The following RETREG1 variants were observed in gnomAD, a reference collection of about 807,000 sequenced individuals.
The protein encoded by RETREG1 is family with sequence similarity 134 member B.
In RETREG1, 44 loss-of-function variants were observed where a neutral mutation model predicts 54.8. That is an observed-to-expected ratio of 0.80 (90% CI 0.63 to 1.03). RETREG1 has a LOEUF of 1.03. Among genes scored for constraint, RETREG1 ranks in the 50% least tolerant of loss-of-function variants. The pLI is 0.00. For missense variants in RETREG1, 554 were observed against 605.1 expected (o/e 0.92, Z 0.89); for synonymous variants, 217 against 238.5 (o/e 0.91, Z 0.83).
chr5:16,581,624 G>T, intron 1 of RETREG1, among the ~76,000 whole-genome samples: 1 of 151,756 alleles, frequency 6.6e-6, no homozygotes, highest in African/African-American at 2.4e-5. Flanking sequence ...AGGCACTTGT[G>T]ACCACATCAA....
intron 1 of RETREG1, among the ~76,000 whole-genome samples, chr5:16,610,845 TG>T: frequency 6.6e-6 from 1 of 152,270 alleles, no homozygotes; most frequent in African/African-American, 2.4e-5. Flanking sequence ...GAAGTCAGTG[TG>T]GCGATTCCTC....
At chr5:16,535,514 C>G (rs1741038135) in intron 3 of RETREG1, among the ~76,000 whole-genome samples, 2 of 151,726 alleles carry the variant, frequency 1.3e-5, no homozygotes. Context: ...AGAGTGGGAG[C>G]TGGAATTCCT....
rs528617167 is a variant in RETREG1 at position 16,610,641 on chromosome 5, A to G, written c.320+6011T>C. On this transcript the variant is annotated intron_variant, in intron 1 of 8. Coordinates refer to ENST00000306320, the MANE Select transcript of RETREG1 (RefSeq NM_001034850.3). Reference sequence around the variant, plus strand: ...TCAAAAGAAGACATTTATGCAGCCAAAAGACACATGGAAAAAATGCTCATC... The same window carrying G: ...TCAAAAGAAGACATTTATGCAGCCAGAAGACACATGGAAAAAATGCTCATC... Among the ~76,000 whole-genome samples the G allele has an allele frequency of 3.5e-4, 54 of 152,376 alleles. 1 individual carries two copies. The South Asian group carries it at 0.011, about 31-fold the overall frequency.
chr5:16,510,163 T>C (rs957176551), intron 3 of RETREG1, among the ~76,000 whole-genome samples: 1 of 152,218 alleles, frequency 6.6e-6, no homozygotes, highest in African/African-American at 2.4e-5. Flanking sequence ...TCAAAACAAA[T>C]AATATCTGCT....
At chr5:16,541,797 G>T (rs1741261514) in intron 3 of RETREG1, among the ~76,000 whole-genome samples, 1 of 115,772 alleles carries the variant, frequency 8.6e-6, no homozygotes, top group Non-Finnish European at 1.9e-5. Context: ...AGGAAGGAAG[G>T]AAAGGAAGGA....
intron 3 of RETREG1, among the ~76,000 whole-genome samples, chr5:16,562,176 G>A (rs376649671): frequency 2.6e-5 from 4 of 152,232 alleles, no homozygotes; most frequent in East Asian, 1.9e-4. Flanking sequence ...TTAGCCAGGC[G>A]TGGTGGCACA....
intron 3 of RETREG1, among the ~76,000 whole-genome samples, chr5:16,541,564 G>T (rs1741244446): frequency 6.6e-6 from 1 of 152,120 alleles, no homozygotes; most frequent in African/African-American, 2.4e-5. Context: ...GCAGGCACCT[G>T]TAACCCCAGC....
intron 3 of RETREG1, among the ~76,000 whole-genome samples, chr5:16,520,915 G>A (rs982468366): frequency 1.3e-5 from 2 of 152,082 alleles, no homozygotes; most frequent in African/African-American, 4.8e-5. Flanking sequence ...CTGGAAACAC[G>A]GAGAGGGACA....
rs534938738 is a variant in RETREG1, at chr5:16,595,604, G to A, written c.320+21048C>T. 2.8e-4 allele frequency among the ~76,000 whole-genome samples: 42 copies of A among 152,260 alleles called. No homozygotes were observed. In the South Asian group the frequency reaches 6.0e-3, roughly 22 times the overall value. Reference sequence around the variant, plus strand: ...AAGTTTTCTGGAAGGAGTTACTCTCGTCATTAAGAAGGCTACACTACCATT... The same window carrying A: ...AAGTTTTCTGGAAGGAGTTACTCTCATCATTAAGAAGGCTACACTACCATT... On this transcript the variant is annotated intron_variant, in intron 1 of 8. Transcript: ENST00000306320.
chr5:16,505,118 T>G (rs977039040), intron 3 of RETREG1, among the ~76,000 whole-genome samples: 1 of 152,174 alleles, frequency 6.6e-6, no homozygotes, highest in African/African-American at 2.4e-5. Flanking sequence ...GGAACACAAA[T>G]GTACGGCAGC....
intron 1 of RETREG1, among the ~76,000 whole-genome samples, chr5:16,575,497 T>C (rs1172404737): frequency 6.6e-6 from 1 of 152,240 alleles, no homozygotes; most frequent in Admixed American, 6.5e-5. Flanking sequence ...ACAAAGGCCA[T>C]TAGTTATTCT....
chr5:16,603,854 A>C (rs1579724083), intron 1 of RETREG1, among the ~76,000 whole-genome samples: 2 of 133,720 alleles, frequency 1.5e-5, no homozygotes, highest in Non-Finnish European at 1.6e-5. Context: ...AGGGCCACCC[A>C]CCCCCCACCC....
At chr5:16,607,873 G>C (rs1296839848) in intron 1 of RETREG1, among the ~76,000 whole-genome samples, 1 of 147,398 alleles carries the variant, frequency 6.8e-6, no homozygotes, top group Admixed American at 6.8e-5. Context: ...CACTCTCACT[G>C]TTTTTATTTT....
intron 8 of RETREG1, among the ~76,000 whole-genome samples, chr5:16,477,403 T>C (rs1044041093): frequency 3.9e-5 from 6 of 152,172 alleles, no homozygotes; most frequent in African/African-American, 1.4e-4. Context: ...TTAATTTCCC[T>C]TTATATGGAC....
chr5:16,584,864 A>G (rs1742584082), intron 1 of RETREG1, among the ~76,000 whole-genome samples: 1 of 152,240 alleles, frequency 6.6e-6, no homozygotes, highest in East Asian at 1.9e-4. Context: ...TTTCTTAAAC[A>G]TGAATATATA....
chr5:16,552,912 G>A (rs1415308792), intron 3 of RETREG1, among the ~76,000 whole-genome samples: 2 of 152,130 alleles, frequency 1.3e-5, no homozygotes, highest in African/African-American at 2.4e-5. Flanking sequence ...ATGTCCCATC[G>A]CTCACACCCC....
chr5:16,499,921 CACTGACACA>C (rs1561090590), intron 3 of RETREG1, among the ~76,000 whole-genome samples: 1 of 152,212 alleles, frequency 6.6e-6, no homozygotes, highest in Non-Finnish European at 1.5e-5. Context: ...CCCTGCACCC[CACTGACACA>C]ACTAAGGGCC....
At chr5:16,612,019 C>T (rs1377061658) in intron 1 of RETREG1, among the ~76,000 whole-genome samples, 3 of 149,914 alleles carry the variant, frequency 2.0e-5, no homozygotes, top group African/African-American at 7.4e-5. Context: ...GAGCCAAGAT[C>T]GCACCACTGC....
chr5:16,492,075 G>T (rs1739269049), intron 3 of RETREG1, among the ~76,000 whole-genome samples: 1 of 152,070 alleles, frequency 6.6e-6, no homozygotes, highest in Non-Finnish European at 1.5e-5. Context: ...ACAGAACTGG[G>T]CCCTGACGAA....
Sources: allele counts gnomAD v4.1 joint callset (sites outside exome capture counted in the v4.1 genomes callset), GRCh38; gene constraint gnomAD v4.1.1; transcripts MANE v1.5; gene names NCBI Gene and HGNC (gene_info 2026-07-23, HGNC 2026-07-21).